NEDD4: variants seen among roughly 807,000 people sequenced by gnomAD.
NEDD4 encodes the protein NEDD4 E3 ubiquitin protein ligase.
Under a neutral mutation model 144.9 loss-of-function variants are expected in NEDD4, and 99 were observed. That is an observed-to-expected ratio of 0.68 (90% CI 0.58 to 0.81). NEDD4 has a LOEUF of 0.81. NEDD4 is among the 30% of genes least tolerant of loss of function. The pLI is 0.00. For synonymous variants in NEDD4, 318 were observed against 350.6 expected (o/e 0.91, Z 1.04); for missense variants, 985 against 1,065.9 (o/e 0.92, Z 1.06).
rs567692493 is a variant in NEDD4, at chr15:55,969,865, T to C, written c.46-3319A>G. ...GTGGCGGCCACAGGGAGACTCCTGC[T>C]TAAGGAAAGGAGAGGGAAAAGTAAA... On this transcript the variant is annotated intron_variant, in intron 1 of 28. Transcript: ENST00000435532. Among the ~76,000 whole-genome samples, 72 of 151,190 alleles carry C rather than the reference T, an allele frequency of 4.8e-4. 1 individual carries two copies. The highest frequency in any genetic ancestry group is 1.6e-3 in the African/African-American group (67 of 41,062).
intron 4 of NEDD4, among the ~76,000 whole-genome samples, chr15:55,946,383 A>G (rs1448691516): frequency 1.3e-5 from 2 of 152,232 alleles, no homozygotes; most frequent in African/African-American, 4.8e-5. Flanking sequence ...CAGACTTTCA[A>G]CCAACAAAGA....
chr15:55,927,743 T>G (rs1206573181), intron 4 of NEDD4, among the ~76,000 whole-genome samples: 1 of 152,084 alleles, frequency 6.6e-6, no homozygotes, highest in Admixed American at 6.6e-5. Flanking sequence ...GTGCACAAAA[T>G]GAATTGGACT....
chr15:55,978,448 G>A (rs1376578364), intron 1 of NEDD4, among the ~76,000 whole-genome samples: 4 of 152,080 alleles, frequency 2.6e-5, no homozygotes, highest in Non-Finnish European at 5.9e-5. Context: ...ACTTTCATGT[G>A]TTGAGATTGT....
At chr15:55,978,247 T>C (rs531029150) in intron 1 of NEDD4, among the ~76,000 whole-genome samples, 3 of 152,332 alleles carry the variant, frequency 2.0e-5, no homozygotes, top group African/African-American at 7.2e-5. Context: ...CATTTAACTT[T>C]TAACCTTTCT....
chr15:55,866,212 C>A (rs142716772), intron 8 of NEDD4, among the ~76,000 whole-genome samples: 1 of 151,124 alleles, frequency 6.6e-6, no homozygotes, highest in African/African-American at 2.4e-5. Context: ...CTGTGCCCAA[C>A]CTTTCTTCTT....
At chr15:55,850,855 ACT>A (rs1441219698) in intron 13 of NEDD4, 113 bp from the exon 14 acceptor site, 3 of 845,408 alleles carry the variant, frequency 3.5e-6, no homozygotes, top group South Asian at 2.5e-5. Context: ...CATTAAAGAG[ACT>A]CTAAATATTT....
At chr15:55,944,959 G>T (rs1398289699) in intron 4 of NEDD4, among the ~76,000 whole-genome samples, 1 of 152,094 alleles carries the variant, frequency 6.6e-6, no homozygotes, top group Non-Finnish European at 1.5e-5. Context: ...CAAAGGAATA[G>T]CATCAACATC....
At chr15:55,954,810 C>T (rs1314625547) in intron 2 of NEDD4, among the ~76,000 whole-genome samples, 1 of 152,166 alleles carries the variant, frequency 6.6e-6, no homozygotes, top group African/African-American at 2.4e-5. Context: ...AGGCGTGAGC[C>T]ACCGTGCCTA....
chr15:55,867,165 A>G (rs2142050761), intron 8 of NEDD4, among the ~76,000 whole-genome samples: 1 of 152,336 alleles, frequency 6.6e-6, no homozygotes, highest in Non-Finnish European at 1.5e-5. Context: ...CAAAATTACA[A>G]TTGTTTTCCT....
chr15:55,909,871 C>T (rs12593446), intron 5 of NEDD4, among the ~76,000 whole-genome samples: 115,445 of 152,082 alleles, frequency 0.76, 43,975 homozygotes, highest in Admixed American at 0.81. Context: ...TCTATTTTGT[C>T]TCGTCTTATT....
At chr15:55,966,840 C>G (rs1375943194) in intron 1 of NEDD4, among the ~76,000 whole-genome samples, 7 of 152,138 alleles carry the variant, frequency 4.6e-5, no homozygotes, top group Admixed American at 4.6e-4. Context: ...ATAGGAATTT[C>G]CAATTATTGC....
rs111606373 is a variant in NEDD4, at chr15:55,886,492, C to A, written c.292-12484G>T. Among the ~76,000 whole-genome samples, 202 of 152,268 alleles carry A rather than the reference C, an allele frequency of 1.3e-3. 1 individual carries two copies. Among genetic ancestry groups the A allele is most frequent in the Non-Finnish European group, 2.5e-3 (170 of 68,000 alleles). ...TTTTAAAAAATTGAAATGGGCCAGG[C>A]GTGGTTGCTCACGCCTCTAATCCCA... On this transcript the variant is annotated intron_variant, in intron 5 of 28. Coordinates refer to ENST00000435532, the MANE Select transcript of NEDD4 (RefSeq NM_006154.4).
chr15:55,896,790 A>T (rs1389579253), intron 5 of NEDD4, among the ~76,000 whole-genome samples: 1 of 152,164 alleles, frequency 6.6e-6, no homozygotes, highest in African/African-American at 2.4e-5. Flanking sequence ...CTATTCATGT[A>T]TATAGAAATG....
intron 18 of NEDD4, among the ~76,000 whole-genome samples, chr15:55,846,543 T>G (rs945722632): frequency 3.3e-5 from 5 of 152,160 alleles, no homozygotes; most frequent in African/African-American, 1.2e-4. Context: ...GACATTACAT[T>G]TGAAGCCGTA....
chr15:55,916,091 A>G, intron 5 of NEDD4: 1 of 1,614,002 alleles, frequency 6.2e-7, no homozygotes, highest in Non-Finnish European at 8.5e-7. Flanking sequence ...GCAATTTCAT[A>G]ATCTCTAATC....
rs1312402575 is a variant in NEDD4, at chr15:55,970,474, G to A, written c.46-3928C>T. Among the ~76,000 whole-genome samples, 5 of 152,346 alleles carry A rather than the reference G, an allele frequency of 3.3e-5. No homozygotes were observed. The South Asian group carries it at 6.2e-4, about 19-fold the overall frequency. On this transcript the variant is annotated intron_variant, in intron 1 of 28. Transcript: ENST00000435532. ...AGCCTTAGGCAAAATCCAGTACTGT[G>A]TTGGCTTCAGGTGTGACCCAACACA...
At chr15:55,925,921 A>G (rs1200966145) in intron 4 of NEDD4, among the ~76,000 whole-genome samples, 2 of 152,076 alleles carry the variant, frequency 1.3e-5, no homozygotes, top group African/African-American at 4.8e-5. Context: ...TTAACTATAT[A>G]GCTTGATAAC....
At chr15:55,929,137 A>G (rs2036732461) in intron 4 of NEDD4, among the ~76,000 whole-genome samples, 1 of 152,118 alleles carries the variant, frequency 6.6e-6, no homozygotes, top group South Asian at 2.1e-4. Flanking sequence ...AAACCACCGA[A>G]AGAACAGAGT....
chr15:55,931,075 G>A (rs2036771916), intron 4 of NEDD4, among the ~76,000 whole-genome samples: 1 of 152,162 alleles, frequency 6.6e-6, no homozygotes, highest in Admixed American at 6.5e-5. Flanking sequence ...CAGAGAAAGA[G>A]AAGGAAAGAG....
Sources: gnomAD v4.1 joint callset for allele counts (sites outside exome capture counted in the v4.1 genomes callset) on GRCh38, gnomAD v4.1.1 for gene constraint, MANE v1.5 for transcripts, NCBI Gene and HGNC (gene_info 2026-07-23, HGNC 2026-07-21) for gene names.